KRT78: variants seen among roughly 807,000 people sequenced by gnomAD.
KRT78 encodes the protein keratin, type II cytoskeletal 78.
KRT78 carries 55 observed loss-of-function variants against 51.4 expected under a neutral mutation model. That is an observed-to-expected ratio of 1.07 (90% CI 0.86 to 1.34). The LOEUF (loss-of-function observed/expected upper bound fraction) is 1.34, where lower values mean the gene tolerates loss of function less well. Among genes scored for constraint, KRT78 ranks in the 40% most tolerant of loss-of-function variants. KRT78 has a pLI of 0.00. For missense variants in KRT78, 652 were observed against 649.4 expected (o/e 1.00, Z -0.04); for synonymous variants, 291 against 264.3 (o/e 1.10, Z -0.98).
intron 5 of KRT78, 67 bp downstream of exon 5, chr12:52,844,492 C>T: frequency 6.5e-7 from 1 of 1,545,798 alleles, no homozygotes; most frequent in Non-Finnish European, 8.8e-7. Flanking sequence ...GGTGGATGAC[C>T]ACCCTAGAGT....
Position 52,838,977 on chromosome 12 carries a change from G to A in KRT78, c.*136C>T, listed in dbSNP as rs2120376755. The A allele has an allele frequency of 9.9e-7, 1 of 1,012,184 alleles. No individual in the cohort carries two copies. The highest frequency in any genetic ancestry group is 2.4e-5 in the East Asian group (1 of 41,012). 62.7% of individuals were successfully genotyped at this position (1,012,184 alleles called of 1,614,324 possible). A position where few individuals can be genotyped will look rare whatever the true frequency, so the allele number is the denominator to read the frequency against. On this transcript the variant is annotated 3_prime_UTR_variant, in exon 9 of 9. Transcript: ENST00000304620. ...GAGCATTCAGAACAGCAGGAGGGGA[G>A]ACTTTATTGATTTTTGCAGCATCCG... is the stretch of plus-strand genomic sequence containing the variant.
intron 6 of KRT78, among the ~76,000 whole-genome samples, chr12:52,842,953 GA>G (rs1212896956): frequency 0.047 from 5,109 of 108,722 alleles, 608 homozygotes; most frequent in African/African-American, 0.23. Context: ...GAGAGAGAGA[GA>G]GAGAGAGGAA....
intron 6 of KRT78, among the ~76,000 whole-genome samples, chr12:52,840,631 C>T (rs1011723035): frequency 6.6e-6 from 1 of 152,036 alleles, no homozygotes; most frequent in Non-Finnish European, 1.5e-5. Context: ...TGCTTGAACC[C>T]GGGAGGTGGA....
At chr12:52,847,452 GCCCA>G (rs1940668919) in intron 2 of KRT78, among the ~76,000 whole-genome samples, 1 of 152,174 alleles carries the variant, frequency 6.6e-6, no homozygotes, top group Non-Finnish European at 1.5e-5. Flanking sequence ...CAGAACCACA[GCCCA>G]TCTGTGAATT....
chr12:52,839,903 C>T lies in KRT78; in HGVS notation c.1129G>A (p.Glu377Lys), dbSNP rs1054974869. 4 of 1,614,092 alleles carry T rather than the reference C, an allele frequency of 2.5e-6. No individual in the cohort carries two copies. Among genetic ancestry groups the T allele is most frequent in the Non-Finnish European group, 1.7e-6 (2 of 1,180,020 alleles). ...ALKDAQAKVD[E>K]LEAALRMAKQ... ...GCCATCCTCAGAGCAGCCTCCAGCT[C>T]GTCCACCTTGGCCTGAGCGTCCTTG... The change falls in exon 7 of 9, where the codon GAG (glutamate) becomes AAG (lysine). Residue 377 changes from glutamate to lysine, a missense_variant. Transcript: ENST00000304620.
At position 52,839,023 on chromosome 12, in the gene KRT78, T is replaced by A. The variant is rs1940409545; in HGVS notation, c.*90A>T. ...ATCCGCTGTGGGCTGGCTTGGGCTG[T>A]GGGCAGCGGACACGGAGTTGGCCTT... On this transcript the variant is annotated 3_prime_UTR_variant, in exon 9 of 9. Coordinates refer to ENST00000304620, the MANE Select transcript of KRT78 (RefSeq NM_173352.4). The A allele has an allele frequency of 4.1e-6, 6 of 1,469,170 alleles. No homozygotes were observed. In the South Asian group the frequency reaches 7.8e-5, roughly 19 times the overall value. 91.0% of individuals were successfully genotyped at this position (1,469,170 alleles called of 1,614,324 possible).
chr12:52,845,765 C>T (rs147070045), intron 4 of KRT78, among the ~76,000 whole-genome samples: 4,383 of 152,136 alleles, frequency 0.029, 75 homozygotes, highest in Non-Finnish European at 0.036. Context: ...ACCAGCCTAG[C>T]TAAGATGGTG....
At chr12:52,842,309 T>C (rs1940516986) in intron 6 of KRT78, among the ~76,000 whole-genome samples, 1 of 152,130 alleles carries the variant, frequency 6.6e-6, no homozygotes, top group African/African-American at 2.4e-5. Context: ...CCCAAATTGA[T>C]ATTTTGGGTT....
At chr12:52,845,952 CAAAA>C in intron 4 of KRT78, 8 of 374,974 alleles carry the variant, frequency 2.1e-5, no homozygotes, top group African/African-American at 5.5e-5. Context: ...GATTCCATCT[CAAAA>C]AAAAAAAAAA....
chr12:52,847,668 C>T (rs564616900), intron 2 of KRT78, among the ~76,000 whole-genome samples: 48 of 152,324 alleles, frequency 3.2e-4, no homozygotes, highest in Admixed American at 7.8e-4. Flanking sequence ...TGTAGGACAC[C>T]GGTCTCCCTG....
chr12:52,845,016 T>C (rs1164845776), intron 4 of KRT78, among the ~76,000 whole-genome samples: 3 of 150,806 alleles, frequency 2.0e-5, no homozygotes, highest in Non-Finnish European at 4.4e-5. Flanking sequence ...TTTTTTCTTC[T>C]TCTTCTTTTT....
chr12:52,845,968 C>A, intron 4 of KRT78: 3 of 498,590 alleles, frequency 6.0e-6, no homozygotes, highest in Non-Finnish European at 7.0e-6. Flanking sequence ...AAAAAAAAAG[C>A]AATTTTTTTA....
chr12:52,848,953 G>A lies in KRT78; in HGVS notation c.-23C>T. ...CATGGCAGAGACAGACAGTCACGCA[G>A]CTGCAGACGGACAGACAGATTGTCA... On this transcript the variant is annotated 5_prime_UTR_variant, in exon 1 of 9. Coordinates refer to ENST00000304620, the MANE Select transcript of KRT78 (RefSeq NM_173352.4). 1 of 1,520,224 alleles carries A rather than the reference G, an allele frequency of 6.6e-7. No homozygotes were observed. Among genetic ancestry groups the A allele is most frequent in the Non-Finnish European group, 8.8e-7 (1 of 1,140,836 alleles). The allele number at this position is 1,520,224 out of a possible 1,614,324, so 94.2% of individuals were successfully genotyped here. A position where few individuals can be genotyped will look rare whatever the true frequency, so the allele number is the denominator to read the frequency against.
intron 6 of KRT78, 49 bp downstream of exon 6, chr12:52,844,044 G>A: frequency 1.9e-6 from 3 of 1,601,910 alleles, no homozygotes; most frequent in Non-Finnish European, 2.6e-6. Context: ...GAAGTGAGTT[G>A]AAGGCACAAA....
intron 2 of KRT78, among the ~76,000 whole-genome samples, chr12:52,847,203 A>G (rs901420266): frequency 3.9e-5 from 6 of 152,278 alleles, no homozygotes; most frequent in African/African-American, 1.2e-4. Flanking sequence ...TCTGACCCCA[A>G]TCCAGGGCTC....
At chr12:52,847,818 AG>A (rs1290807945) in intron 2 of KRT78, 88 bp downstream of exon 2, 5 of 1,132,314 alleles carry the variant, frequency 4.4e-6, no homozygotes, top group Non-Finnish European at 6.5e-6. Flanking sequence ...CTGGGTGCTC[AG>A]TATGTGGGAC....
At chr12:52,847,781 G>T in intron 2 of KRT78, 126 bp downstream of exon 2, 1 of 753,218 alleles carries the variant, frequency 1.3e-6, no homozygotes, top group Non-Finnish European at 2.2e-6. Flanking sequence ...GACGCGGAGG[G>T]GTAGAGGGGA....
chr12:52,840,593 G>A (rs965650723), intron 6 of KRT78, among the ~76,000 whole-genome samples: 4 of 152,180 alleles, frequency 2.6e-5, no homozygotes. Flanking sequence ...TGTAGTCCCA[G>A]CTACTCGGGA....
Position 52,848,741 on chromosome 12 carries a change from C to A in KRT78, c.190G>T (p.Val64Leu). 4 of 1,609,570 alleles carry A rather than the reference C, an allele frequency of 2.5e-6. No individual in the cohort carries two copies. Among genetic ancestry groups the A allele is most frequent in the Non-Finnish European group, 1.7e-6 (2 of 1,177,822 alleles). ...STWGSGGRLG[V>L]RFGEWSGGPG... ...CCACCACTCCACTCCCCAAACCGCA[C>A]CCCCAGCCTACCCCCTGACCCCCAG... The change falls in exon 1 of 9, where the codon GTG (valine) becomes TTG (leucine). Residue 64 changes from valine to leucine, a missense_variant. By Grantham distance (32) the Val-to-Leu change is conservative. Coordinates refer to ENST00000304620, the MANE Select transcript of KRT78 (RefSeq NM_173352.4).
Sources: gnomAD v4.1 joint callset for allele counts (sites outside exome capture counted in the v4.1 genomes callset) on GRCh38, gnomAD v4.1.1 for gene constraint, MANE v1.5 for transcripts, NCBI Gene and HGNC (gene_info 2026-07-23, HGNC 2026-07-21) for gene names.